CCNY: variants seen among roughly 807,000 people sequenced by gnomAD.
The protein encoded by CCNY is cyclin-Y.
A neutral mutation model predicts 42.8 loss-of-function variants in CCNY; 19 were observed. The ratio of observed to expected loss-of-function variants is 0.44; its 90% CI spans 0.31 to 0.65. CCNY has a LOEUF of 0.65. CCNY is among the 30% of genes least tolerant of loss of function. The pLI, the probability that CCNY is intolerant of heterozygous loss-of-function variation, is 0.07. For missense variants in CCNY, 370 were observed against 437.3 expected, an observed-to-expected ratio of 0.85 and a Z score of 1.37; for synonymous variants, 165 against 162.7, an observed-to-expected ratio of 1.01 and a Z score of -0.11.
chr10:35,346,099 T>C (rs1015222174), intron 1 of CCNY, among the ~76,000 whole-genome samples: 3 of 152,182 alleles, frequency 2.0e-5, no homozygotes, highest in African/African-American at 7.2e-5. Flanking sequence ...CATGCATAAA[T>C]ATGCTTTATT....
intron 1 of CCNY, among the ~76,000 whole-genome samples, chr10:35,394,064 C>T (rs1012010529): frequency 5.3e-5 from 8 of 152,168 alleles, no homozygotes; most frequent in East Asian, 1.9e-4. Flanking sequence ...TCAGTGGACC[C>T]GTTCTTCACT....
intron 1 of CCNY, among the ~76,000 whole-genome samples, chr10:35,428,106 A>T (rs1838308930): frequency 6.6e-6 from 1 of 152,120 alleles, no homozygotes; most frequent in Admixed American, 6.5e-5. Context: ...GATATTCATT[A>T]TGTATTTACT....
chr10:35,276,061 T>C (rs1835235713), intron 3 of CCNY, among the ~76,000 whole-genome samples: 1 of 152,230 alleles, frequency 6.6e-6, no homozygotes, highest in African/African-American at 2.4e-5. Flanking sequence ...AATACATTTG[T>C]CATGTTTCTG....
chr10:35,516,736 TTGGTTGTGGGGTCTGGGAGTGATAAGA>T, intron 4 of CCNY, 113 bp downstream of exon 4: 1 of 669,942 alleles, frequency 1.5e-6, no homozygotes, highest in South Asian at 2.1e-5. Context: ...GCTAAGCTGG[TTGGTTGTGGGGTCTGGGAGTGATAAGA>T]TTGGATGGGT....
intron 3 of CCNY, among the ~76,000 whole-genome samples, chr10:35,286,293 T>C (rs568133548): frequency 6.2e-4 from 95 of 152,210 alleles, no homozygotes; most frequent in African/African-American, 2.2e-3. Flanking sequence ...ATTTATTTAG[T>C]GGTAACTCTA....
In CCNY at chr10:35,483,486, CT is replaced by C; in HGVS notation, c.229+10del. On this transcript the variant is annotated intron_variant, in intron 2 of 9. Transcript: ENST00000374704. ...GTAAATCTCAGACGGACGGTAGGTC[CT>C]TAATTTATGTTTCTTTTTGTAAAAA... The C allele has an allele frequency of 6.4e-7, 1 of 1,559,870 alleles. No individual in the cohort carries two copies. Among genetic ancestry groups the C allele is most frequent in the Non-Finnish European group, 8.8e-7 (1 of 1,136,332 alleles).
At position 35,257,957 on chromosome 10, in the gene CCNY, A is replaced by G. The variant is rs138683580; in HGVS notation, c.-9+7331A>G. Among the ~76,000 whole-genome samples, 194 of 152,258 alleles carry G rather than the reference A, an allele frequency of 1.3e-3. 4 individuals carry two copies. The East Asian group carries it at 0.033, about 26-fold the overall frequency. On this transcript the variant is annotated intron_variant, in intron 3 of 11. Coordinates refer to the CCNY transcript ENST00000374706. ...TTTTTCCTTCTGTTCCTTAGACTCA[A>G]TAATTTCCACTGTCTTTTCTTTAAC...
chr10:35,299,219 C>A (rs1389168099), intron 3 of CCNY, among the ~76,000 whole-genome samples: 1 of 152,212 alleles, frequency 6.6e-6, no homozygotes, highest in Non-Finnish European at 1.5e-5. Context: ...TCCATCTGCA[C>A]TGAAAACACT....
At chr10:35,382,177 T>G (rs1191042059) in intron 1 of CCNY, among the ~76,000 whole-genome samples, 1 of 152,230 alleles carries the variant, frequency 6.6e-6, no homozygotes, top group East Asian at 1.9e-4. Flanking sequence ...TATGTGCAAC[T>G]GGAACCGTTA....
intron 7 of CCNY, among the ~76,000 whole-genome samples, chr10:35,542,173 C>G (rs192160245): frequency 6.7e-6 from 1 of 149,472 alleles, no homozygotes; most frequent in Admixed American, 6.7e-5. Context: ...GTTTCTCAGG[C>G]TTTCCTTGTT....
At chr10:35,526,025 ACAT>A (rs767907330) in intron 5 of CCNY, 26 bp downstream of exon 5, 21 of 1,592,950 alleles carry the variant, frequency 1.3e-5, no homozygotes, top group Non-Finnish European at 1.8e-5. Context: ...TGTGCTAAAA[ACAT>A]CATACGTTAT....
At chr10:35,534,999 ATGTGTGTGTGTGTGTGTGTGTG>A (rs59534409) in intron 7 of CCNY, among the ~76,000 whole-genome samples, 8 of 133,502 alleles carry the variant, frequency 6.0e-5, no homozygotes, top group African/African-American at 2.3e-4. Flanking sequence ...ATCTATATAT[ATGTGTGTGTGTGTGTGTGTGTG>A]TGTGTGTGTG....
intron 2 of CCNY, among the ~76,000 whole-genome samples, chr10:35,491,018 G>C (rs1462961707): frequency 6.6e-6 from 1 of 152,200 alleles, no homozygotes; most frequent in African/African-American, 2.4e-5. Context: ...TACCTCACCT[G>C]TCTTTCCCTC....
intron 3 of CCNY, among the ~76,000 whole-genome samples, chr10:35,272,778 A>G (rs1375206188): frequency 6.6e-6 from 1 of 152,160 alleles, no homozygotes; most frequent in Non-Finnish European, 1.5e-5. Context: ...TCTGTTAAGT[A>G]TATACCCAGT....
intron 3 of CCNY, among the ~76,000 whole-genome samples, chr10:35,287,689 A>G (rs1027022993): frequency 2.0e-5 from 3 of 152,054 alleles, no homozygotes. Context: ...ACTGACTCCT[A>G]TTTCATTGTA....
chr10:35,436,582 G>A (rs372434392), intron 1 of CCNY, among the ~76,000 whole-genome samples: 6 of 152,160 alleles, frequency 3.9e-5, no homozygotes, highest in Admixed American at 1.3e-4. Context: ...GCAGAGCTTC[G>A]TGGAAGGACA....
intron 1 of CCNY, among the ~76,000 whole-genome samples, chr10:35,404,316 C>G (rs942485332): frequency 6.6e-6 from 1 of 152,024 alleles, no homozygotes; most frequent in Non-Finnish European, 1.5e-5. Flanking sequence ...GAATTCTGAC[C>G]ACACAGCCCT....
At position 35,445,714 on chromosome 10, in the gene CCNY, G is replaced by A. The variant is rs1303586214; in HGVS notation, c.155-37690G>A. Among the ~76,000 whole-genome samples the A allele has an allele frequency of 4.6e-5, 7 of 152,202 alleles. No homozygotes were observed. The East Asian group carries it at 1.3e-3, about 29-fold the overall frequency. The stretch of plus-strand genomic sequence containing the variant: ...AGAGGGAAGGAGGGGTGGAGCATGT[G>A]TGTAGGTGTAGGAAGTAGTTCATAT... On this transcript the variant is annotated intron_variant, in intron 1 of 9. Coordinates refer to ENST00000374704, the MANE Select transcript of CCNY (RefSeq NM_145012.6).
At chr10:35,517,659 A>C (rs1840457340) in intron 4 of CCNY, among the ~76,000 whole-genome samples, 1 of 152,188 alleles carries the variant, frequency 6.6e-6, no homozygotes. Context: ...GCCTGTTGGC[A>C]CTGCGCTTGT....
Sources: allele counts gnomAD v4.1 joint callset (sites outside exome capture counted in the v4.1 genomes callset), GRCh38; gene constraint gnomAD v4.1.1; transcripts MANE v1.5; gene names NCBI Gene and HGNC (gene_info 2026-07-23, HGNC 2026-07-21).